Variants in DCLRE1C observed in about 807,000 individuals in gnomAD.
DCLRE1C encodes DNA cross-link repair 1C.
A neutral mutation model predicts 61.4 loss-of-function variants in DCLRE1C; 47 were observed. That is an observed-to-expected ratio of 0.77 (90% confidence interval 0.61 to 0.98). DCLRE1C has a LOEUF of 0.98. Among genes scored for constraint, DCLRE1C ranks in the 50% least tolerant of loss-of-function variants. DCLRE1C has a pLI of 0.00. For synonymous variants in DCLRE1C, 337 were observed against 287.6 expected, an observed-to-expected ratio of 1.17 and a Z score of -1.74; for missense variants, 858 against 816.0, an observed-to-expected ratio of 1.05 and a Z score of -0.63.
intron 1 of DCLRE1C, among the ~76,000 whole-genome samples, chr10:14,952,448 T>C (rs2131214893): frequency 6.6e-6 from 1 of 152,000 alleles, no homozygotes; most frequent in South Asian, 2.1e-4. Flanking sequence ...ATTACCTGGG[T>C]GTGGTGGTGC....
intron 2 of DCLRE1C, among the ~76,000 whole-genome samples, chr10:14,947,055 A>C (rs185041058): frequency 6.6e-6 from 1 of 151,306 alleles, no homozygotes; most frequent in Non-Finnish European, 1.5e-5. Context: ...CTACTGAAAA[A>C]TAAAAAATTA....
intron 4 of DCLRE1C, among the ~76,000 whole-genome samples, chr10:14,937,527 A>G (rs938411686): frequency 6.6e-5 from 10 of 152,046 alleles, no homozygotes; most frequent in East Asian, 5.9e-4. Context: ...CAAGTGATAC[A>G]TCTGCCTCGG....
At chr10:14,935,712 C>T (rs1439142499) in intron 5 of DCLRE1C, 148 bp from the exon 6 acceptor site, 3 of 823,954 alleles carry the variant, frequency 3.6e-6, no homozygotes, top group South Asian at 1.4e-5. Context: ...TTGAACCACA[C>T]CAGGCACTCA....
At chr10:14,931,567 C>T (rs1328932507) in intron 9 of DCLRE1C, among the ~76,000 whole-genome samples, 5 of 150,532 alleles carry the variant, frequency 3.3e-5, no homozygotes, top group Non-Finnish European at 7.4e-5. Flanking sequence ...AACAAAAAAA[C>T]AAAACAACAA....
rs368494931 is a variant in DCLRE1C at position 14,912,929 on chromosome 10, G to A, written c.1157-3599C>T. On this transcript the variant is annotated intron_variant, in intron 13 of 13. Transcript: ENST00000378278. ...ATCTCTCTGACCACATGATCCACCC[G>A]CCTTGGCCTCCCAAAGTGCTGGGAT... 8.4e-5 allele frequency among the ~76,000 whole-genome samples: 12 copies of A among 143,692 alleles called. 1 individual carries two copies. Among genetic ancestry groups the A allele is most frequent in the East Asian group, 5.9e-4 (3 of 5,104 alleles). 94.3% of individuals were successfully genotyped at this position (143,692 alleles called of 152,430 possible).
chr10:14,907,497 G>A lies in DCLRE1C; in HGVS notation c.*911C>T, dbSNP rs977725445. 6.6e-6 allele frequency among the ~76,000 whole-genome samples: 1 copy of A among 152,014 alleles called. No homozygotes were observed. Among genetic ancestry groups the A allele is most frequent in the African/African-American group, 2.4e-5 (1 of 41,352 alleles). ...GTGTATATACTAGTTCTGTTACTAAGGAGGGATGTTAAATTAATCCCTAGC... is the reference window on the plus strand; with the variant it reads ...GTGTATATACTAGTTCTGTTACTAAAGAGGGATGTTAAATTAATCCCTAGC... On this transcript the variant is annotated 3_prime_UTR_variant, in exon 14 of 14. Coordinates refer to ENST00000378278, the MANE Select transcript of DCLRE1C (RefSeq NM_001033855.3).
chr10:14,935,700 A>G (rs1177077328), intron 5 of DCLRE1C, 136 bp from the exon 6 acceptor site: 1 of 904,066 alleles, frequency 1.1e-6, no homozygotes, highest in Non-Finnish European at 1.8e-6. Context: ...TTCCACAGTA[A>G]TTTGAACCAC....
intron 2 of DCLRE1C, among the ~76,000 whole-genome samples, chr10:14,948,770 T>TATATATATATATATATATATA (rs1554800030): frequency 1.9e-4 from 27 of 143,618 alleles, no homozygotes; most frequent in African/African-American, 7.0e-4. Context: ...TTTGGTAGGA[T>TATATATATATATATATATATA]TATATATATA....
chr10:14,925,794 CA>C (rs1269102981), intron 11 of DCLRE1C, among the ~76,000 whole-genome samples: 2 of 152,184 alleles, frequency 1.3e-5, no homozygotes, highest in African/African-American at 4.8e-5. Flanking sequence ...ATATGAAAAA[CA>C]TGGCACTTAA....
chr10:14,915,622 G>C (rs1836054311), intron 13 of DCLRE1C, among the ~76,000 whole-genome samples: 1 of 150,540 alleles, frequency 6.6e-6, no homozygotes, highest in African/African-American at 2.4e-5. Flanking sequence ...GCCTATTAGA[G>C]AAATCACATT....
intron 4 of DCLRE1C, among the ~76,000 whole-genome samples, chr10:14,937,255 G>A (rs1031943707): frequency 6.0e-5 from 9 of 149,510 alleles, no homozygotes; most frequent in African/African-American, 1.2e-4. Context: ...TGTGTGACTC[G>A]ATTTCTATCT....
At chr10:14,943,839 C>T (rs564086885) in intron 3 of DCLRE1C, among the ~76,000 whole-genome samples, 70 of 152,324 alleles carry the variant, frequency 4.6e-4, no homozygotes, top group African/African-American at 1.7e-3. Context: ...AGCCACTGGG[C>T]CCAGCCAGAT....
At chr10:14,919,904 T>C (rs1340078736) in intron 12 of DCLRE1C, 72 bp from the exon 13 acceptor site, 1 of 1,257,038 alleles carries the variant, frequency 8.0e-7, no homozygotes, top group East Asian at 2.3e-5. Flanking sequence ...TTGATAGTAT[T>C]ACAAATTTTT....
At chr10:14,942,619 C>T (rs191659930) in intron 3 of DCLRE1C, among the ~76,000 whole-genome samples, 22 of 152,254 alleles carry the variant, frequency 1.4e-4, no homozygotes, top group Middle Eastern at 3.4e-3. Context: ...ACAGGACTTT[C>T]GGGGAGGGCA....
chr10:14,917,904 T>A (rs1332539832), intron 13 of DCLRE1C, among the ~76,000 whole-genome samples: 1 of 152,182 alleles, frequency 6.6e-6, no homozygotes, highest in East Asian at 1.9e-4. Context: ...AATACGCACA[T>A]TAAAAGATGC....
At chr10:14,952,984 C>G (rs889851583) in intron 1 of DCLRE1C, among the ~76,000 whole-genome samples, 1 of 152,220 alleles carries the variant, frequency 6.6e-6, no homozygotes, top group Non-Finnish European at 1.5e-5. Context: ...TACTTTCCTA[C>G]TGCGCAGGTA....
At chr10:14,943,642 T>G (rs560450040) in intron 3 of DCLRE1C, among the ~76,000 whole-genome samples, 2 of 152,314 alleles carry the variant, frequency 1.3e-5, no homozygotes, top group South Asian at 4.1e-4. Context: ...AACCTCCGCC[T>G]CCCAGGTTCA....
At chr10:14,948,210 CAA>C (rs377622660) in intron 2 of DCLRE1C, among the ~76,000 whole-genome samples, 1 of 110,186 alleles carries the variant, frequency 9.1e-6, no homozygotes. Flanking sequence ...CCCGTCTCTA[CAA>C]AAAAAAAAAA....
intron 4 of DCLRE1C, among the ~76,000 whole-genome samples, 164 bp from the exon 5 acceptor site, chr10:14,936,757 C>G (rs1261738775): frequency 6.6e-6 from 1 of 152,138 alleles, no homozygotes; most frequent in Non-Finnish European, 1.5e-5. Flanking sequence ...GAATCCTTGT[C>G]CACTCAACAA....
Sources: gnomAD v4.1 joint callset for allele counts (sites outside exome capture counted in the v4.1 genomes callset) on GRCh38, gnomAD v4.1.1 for gene constraint, MANE v1.5 for transcripts, NCBI Gene and HGNC (gene_info 2026-07-23, HGNC 2026-07-21) for gene names.